DMXL2: variants seen among roughly 807,000 people sequenced by gnomAD.
DMXL2 encodes the protein dmX-like protein 2.
In DMXL2, 103 loss-of-function variants were observed where a neutral mutation model predicts 331.1. That is an observed-to-expected ratio of 0.31 (90% CI 0.27 to 0.37). DMXL2 has a LOEUF of 0.37. Ranked by LOEUF, DMXL2 falls within the 10% of genes least tolerant of loss-of-function variation. The pLI is 1.00. For synonymous variants in DMXL2, 1,281 were observed against 1,252.1 expected, an observed-to-expected ratio of 1.02 and a Z score of -0.49; for missense variants, 3,171 against 3,642.9, an observed-to-expected ratio of 0.87 and a Z score of 3.33.
rs772681901 is a variant in DMXL2 at position 51,498,642 on chromosome 15, G to A, written c.4582C>T (p.Arg1528Cys). The part of the protein sequence containing the change: ...LMHSSLPGLT[R>C]LEQMFLVALA... ...GCTACAAGGAACATCTGCTCCAAAC[G>A]GGTAAGGCCTGGTAGACTTGAGTGC... Residue 1528 changes from arginine (R) to cysteine (C), a missense_variant, in exon 18 of 44, where the codon CGT becomes TGT. Transcript: ENST00000560891. The A allele has an allele frequency of 6.2e-6, 10 of 1,614,096 alleles. No homozygotes were observed. Among genetic ancestry groups the A allele is most frequent in the Non-Finnish European group, 8.5e-6 (10 of 1,180,000 alleles).
intron 1 of DMXL2, 111 bp downstream of exon 1, chr15:51,622,348 G>A: frequency 7.0e-7 from 1 of 1,421,300 alleles, no homozygotes; most frequent in Non-Finnish European, 9.6e-7. Context: ...CACGGGTGGG[G>A]CCCACCAACA....
chr15:51,453,625 C>A lies in DMXL2; in HGVS notation c.8621G>T (p.Ser2874Ile). The stretch of plus-strand genomic sequence containing the variant: ...AAATGCAAAGTCACTTGTGGCTTTA[C>A]TGTGGCACTGCCAACTCTACGAAAA... ...PKPYMSWQCH[S>I]KATSDFAFIT... is the part of the protein sequence containing the mutation. The change falls in exon 41 of 44, where the codon AGT becomes ATT. Residue 2874 changes from serine to isoleucine, a missense_variant. By Grantham distance (142) the Ser-to-Ile change is moderately radical. Coordinates refer to ENST00000560891, the MANE Select transcript of DMXL2 (RefSeq NM_001378457.1). 6.2e-7 allele frequency: 1 copy of A among 1,613,444 alleles called. No individual in the cohort carries two copies. Among genetic ancestry groups the A allele is most frequent in the Non-Finnish European group, 8.5e-7 (1 of 1,179,744 alleles).
chr15:51,455,315 A>G, intron 39 of DMXL2, 87 bp from the exon 40 acceptor site: 2 of 1,076,408 alleles, frequency 1.9e-6, no homozygotes, highest in Non-Finnish European at 2.9e-6. Context: ...CTAAGGCCCT[A>G]CTAAATAAAC....
intron 6 of DMXL2, among the ~76,000 whole-genome samples, chr15:51,548,239 T>C (rs1055325676): frequency 1.3e-5 from 2 of 152,138 alleles, no homozygotes; most frequent in African/African-American, 4.8e-5. Context: ...TTATCGCTTA[T>C]GCAAAAATAT....
At chr15:51,482,083 C>G (rs905009434) in intron 23 of DMXL2, among the ~76,000 whole-genome samples, 1 of 152,008 alleles carries the variant, frequency 6.6e-6, no homozygotes, top group Admixed American at 6.6e-5. Flanking sequence ...ATTTTAACAC[C>G]ATGTCAACAT....
intron 13 of DMXL2, among the ~76,000 whole-genome samples, chr15:51,518,270 T>C (rs940948744): frequency 6.6e-6 from 1 of 151,886 alleles, no homozygotes; most frequent in Non-Finnish European, 1.5e-5. Context: ...GAGGCGGAGG[T>C]TGCAGTGAGC....
intron 34 of DMXL2, 81 bp from the exon 35 acceptor site, chr15:51,458,876 T>C (rs1479380100): frequency 1.7e-6 from 2 of 1,200,332 alleles, no homozygotes; most frequent in South Asian, 1.3e-5. Flanking sequence ...GATTTAAATG[T>C]AGGATAAGAA....
intron 6 of DMXL2, 26 bp from the exon 7 acceptor site, chr15:51,547,434 A>C: frequency 6.6e-7 from 1 of 1,516,378 alleles, no homozygotes; most frequent in East Asian, 2.3e-5. Context: ...GTCAATATAA[A>C]ATTAATTTGT....
intron 14 of DMXL2, among the ~76,000 whole-genome samples, chr15:51,516,336 T>C (rs1835646750): frequency 6.6e-6 from 1 of 152,192 alleles, no homozygotes; most frequent in Non-Finnish European, 1.5e-5. Context: ...GGAGGAATAC[T>C]ACACAAAGGA....
intron 26 of DMXL2, among the ~76,000 whole-genome samples, chr15:51,477,562 C>T (rs1012606248): frequency 6.6e-6 from 1 of 152,020 alleles, no homozygotes; most frequent in East Asian, 1.9e-4. Flanking sequence ...AATGTTCCCA[C>T]AAAAGGCTGC....
Position 51,471,325 on chromosome 15 carries a change from A to T in DMXL2, c.7290T>A (p.Pro2430=), listed in dbSNP as rs749886699. Residue 2430 remains proline (P), a synonymous_variant, in exon 29 of 44, where the codon CCT becomes CCA. Transcript: ENST00000560891. ...FNMRMLVPGR[P]VKDATPPPVP... ...CCGGTGGTGGGGTAGCATCTTTTAC[A>T]GGCCTTCCAGGGACGAGCATTCTCA... 6.2e-7 allele frequency: 1 copy of T among 1,614,062 alleles called. No individual in the cohort carries two copies. The highest frequency in any genetic ancestry group is 1.1e-5 in the South Asian group (1 of 91,072).
At chr15:51,487,117 C>A (rs1157594783) in intron 22 of DMXL2, among the ~76,000 whole-genome samples, 1 of 152,132 alleles carries the variant, frequency 6.6e-6, no homozygotes, top group Non-Finnish European at 1.5e-5. Context: ...GAAGTAAACA[C>A]AAACATTTGT....
chr15:51,545,631 G>A lies in DMXL2; in HGVS notation c.882C>T (p.Ser294=). The change falls in exon 8 of 44, where the codon AGC becomes AGT. Residue 294 remains serine (S), a synonymous_variant. Coordinates refer to ENST00000560891, the MANE Select transcript of DMXL2 (RefSeq NM_001378457.1). ...CTTTGTGTCTTCCAGCATGAGAAAG[G>A]CTGCTGGCAATGCTGGAAGTGGTAG... ...CETTTSSIAS[S]LSHAGRHKDR... is the part of the protein sequence containing the mutation. 6.2e-7 allele frequency: 1 copy of A among 1,613,574 alleles called. No homozygotes were observed. Among genetic ancestry groups the A allele is most frequent in the Non-Finnish European group, 8.5e-7 (1 of 1,179,694 alleles).
intron 1 of DMXL2, among the ~76,000 whole-genome samples, chr15:51,583,433 A>G (rs1311450087): frequency 1.8e-5 from 1 of 56,782 alleles, no homozygotes; most frequent in Non-Finnish European, 3.6e-5. Context: ...AATTTCATCC[A>G]TGTCCCTACA....
intron 6 of DMXL2, among the ~76,000 whole-genome samples, chr15:51,560,092 T>G (rs559998163): frequency 2.6e-5 from 4 of 152,122 alleles, no homozygotes; most frequent in African/African-American, 9.7e-5. Flanking sequence ...CAACTTTCAT[T>G]TGGATTAGGG....
intron 6 of DMXL2, among the ~76,000 whole-genome samples, chr15:51,547,765 T>G (rs887336803): frequency 6.6e-6 from 1 of 152,118 alleles, no homozygotes; most frequent in African/African-American, 2.4e-5. Flanking sequence ...TTTTCAGTCA[T>G]TGTTATCCTT....
chr15:51,458,921 G>GAGTAACTTT (rs2039888998), intron 34 of DMXL2, 126 bp from the exon 35 acceptor site: 4 of 793,188 alleles, frequency 5.0e-6, no homozygotes, highest in Non-Finnish European at 8.0e-6. Context: ...GCAGCAGCAA[G>GAGTAACTTT]AAAAAAGGGT....
At chr15:51,540,334 T>C (rs1318544594) in intron 9 of DMXL2, among the ~76,000 whole-genome samples, 1 of 152,210 alleles carries the variant, frequency 6.6e-6, no homozygotes, top group Non-Finnish European at 1.5e-5. Context: ...GTTCCTCACA[T>C]GCAATAACAG....
intron 1 of DMXL2, among the ~76,000 whole-genome samples, chr15:51,602,810 T>C (rs140771617): frequency 2.0e-5 from 3 of 152,222 alleles, no homozygotes; most frequent in Non-Finnish European, 4.4e-5. Flanking sequence ...CCAGCTCTAA[T>C]TCCTGCTAAA....
Sources: gnomAD v4.1 joint callset for allele counts (sites outside exome capture counted in the v4.1 genomes callset) on GRCh38, gnomAD v4.1.1 for gene constraint, MANE v1.5 for transcripts, NCBI Gene and HGNC (gene_info 2026-07-23, HGNC 2026-07-21) for gene names.